Variants in PDE4D observed in about 807,000 individuals in gnomAD.
PDE4D encodes the protein phosphodiesterase 4D.
Under a neutral mutation model 87.4 loss-of-function variants are expected in PDE4D, and 24 were observed. The observed-to-expected ratio is 0.27, with a 90% CI of 0.20 to 0.39. The LOEUF is 0.39. PDE4D is among the 10% of genes least tolerant of loss of function. The probability of loss-of-function intolerance (pLI) is 1.00; values close to 1 mark genes in which losing one functional copy is unlikely to be tolerated. For synonymous variants in PDE4D, 384 were observed against 383.2 expected (o/e 1.00, Z -0.02); for missense variants, 714 against 1,041.0 (o/e 0.69, Z 4.32).
chr5:59,071,242 A>G (rs867758538), intron 5 of PDE4D, among the ~76,000 whole-genome samples: 4 of 152,098 alleles, frequency 2.6e-5, no homozygotes, highest in African/African-American at 7.2e-5. Context: ...AACAAGTCAC[A>G]AGTCTCTTTT....
At chr5:59,764,294 C>A (rs968021436) in intron 1 of PDE4D, among the ~76,000 whole-genome samples, 1 of 152,086 alleles carries the variant, frequency 6.6e-6, no homozygotes, top group Non-Finnish European at 1.5e-5. Flanking sequence ...TATAATGACA[C>A]CCACTAAGGG....
intron 2 of PDE4D, among the ~76,000 whole-genome samples, chr5:59,202,096 T>C (rs978468706): frequency 7.4e-6 from 1 of 134,898 alleles, no homozygotes; most frequent in Non-Finnish European, 1.5e-5. Context: ...TGGAATGCAG[T>C]GGCTGCAATC....
chr5:59,261,905 T>C (rs1762071471), intron 1 of PDE4D, among the ~76,000 whole-genome samples: 1 of 151,776 alleles, frequency 6.6e-6, no homozygotes, highest in South Asian at 2.1e-4. Flanking sequence ...GAAAAGAAAA[T>C]ATCTCTCTAA....
At chr5:59,367,643 A>G (rs1387355691) in intron 1 of PDE4D, among the ~76,000 whole-genome samples, 3 of 152,366 alleles carry the variant, frequency 2.0e-5, no homozygotes, top group African/African-American at 7.2e-5. Context: ...AAGTCCTGAG[A>G]AGCCAGATAG....
intron 1 of PDE4D, among the ~76,000 whole-genome samples, chr5:59,457,267 G>A (rs1316339977): frequency 2.6e-5 from 4 of 152,200 alleles, no homozygotes; most frequent in Non-Finnish European, 2.9e-5. Context: ...AGCCATCAAC[G>A]TCAAGGCAAG....
intron 1 of PDE4D, among the ~76,000 whole-genome samples, chr5:59,687,313 A>T (rs1750047258): frequency 1.3e-5 from 2 of 152,182 alleles, no homozygotes; most frequent in East Asian, 1.9e-4. Context: ...AAAAAATGTT[A>T]AGGGCAGCCA....
intron 2 of PDE4D, among the ~76,000 whole-genome samples, chr5:60,180,255 CATTT>C (rs1299688020): frequency 6.6e-6 from 1 of 152,174 alleles, no homozygotes; most frequent in Non-Finnish European, 1.5e-5. Flanking sequence ...GTCATTCTCA[CATTT>C]ATTTATACTC....
chr5:59,772,411 G>A (rs1045188034), intron 1 of PDE4D, among the ~76,000 whole-genome samples: 4 of 152,178 alleles, frequency 2.6e-5, no homozygotes, highest in Non-Finnish European at 4.4e-5. Flanking sequence ...AGTCACCCAC[G>A]CCTAGAACAG....
chr5:59,297,438 G>A (rs192716785), intron 1 of PDE4D, among the ~76,000 whole-genome samples: 1 of 152,230 alleles, frequency 6.6e-6, no homozygotes, highest in East Asian at 1.9e-4. Flanking sequence ...AAATACTAAT[G>A]TATAGATGAG....
At chr5:59,182,495 G>C (rs1043087215) in intron 4 of PDE4D, among the ~76,000 whole-genome samples, 9 of 151,760 alleles carry the variant, frequency 5.9e-5, no homozygotes, top group Admixed American at 2.6e-4. Flanking sequence ...TTACCTTCTG[G>C]CTAAGAGTTT....
In PDE4D at chr5:58,973,777, A is replaced by AAAG. The variant is rs1397654490; in HGVS notation, c.*884_*886dup. The AAAG allele has an allele frequency of 2.0e-5, 3 of 147,974 alleles. No individual in the cohort carries two copies. Among genetic ancestry groups the AAAG allele is most frequent in the Admixed American group, 6.9e-5 (1 of 14,524 alleles). The allele number at this position is 147,974 out of a possible 1,614,324, so 9.2% of individuals were successfully genotyped here. On this transcript the variant is annotated 3_prime_UTR_variant, in exon 15 of 15. Transcript: ENST00000340635. ...ATCTGGAAAGAGTGAAACAAAATGCAAAGTAAATAATAAAGACTTACAAAA... is the reference window on the plus strand; with the variant it reads ...ATCTGGAAAGAGTGAAACAAAATGCAAAGAAGTAAATAATAAAGACTTACAAAA...
intron 2 of PDE4D, among the ~76,000 whole-genome samples, chr5:60,122,086 C>T (rs1210320088): frequency 6.6e-6 from 1 of 152,168 alleles, no homozygotes; most frequent in African/African-American, 2.4e-5. Context: ...CACATTGATG[C>T]AAGAGGTGGG....
At chr5:60,257,552 T>G (rs566707247) in intron 1 of PDE4D, among the ~76,000 whole-genome samples, 1 of 152,086 alleles carries the variant, frequency 6.6e-6, no homozygotes, top group African/African-American at 2.4e-5. Flanking sequence ...CTGAAGGCAT[T>G]TAGCATTTAG....
chr5:60,375,711 A>G (rs1383554057), intron 1 of PDE4D, among the ~76,000 whole-genome samples: 1 of 152,180 alleles, frequency 6.6e-6, no homozygotes, highest in African/African-American at 2.4e-5. Context: ...GGCACAGGCT[A>G]CACAAAATAC....
chr5:59,403,865 C>T lies in PDE4D; in HGVS notation c.456-187897G>A, dbSNP rs185751672. Among the ~76,000 whole-genome samples, 21 of 152,210 alleles carry T rather than the reference C, an allele frequency of 1.4e-4. No individual in the cohort carries two copies. In the East Asian group the frequency reaches 2.7e-3, roughly 20 times the overall value. ...ATGGGAGTTCTATTTTTAGCTTTTT[C>T]GAGGAACCTCCAAATTGTTCTCCGT... On this transcript the variant is annotated intron_variant, in intron 1 of 14. Transcript: ENST00000340635.
chr5:59,666,399 T>C (rs1746081884), intron 1 of PDE4D, among the ~76,000 whole-genome samples: 1 of 152,186 alleles, frequency 6.6e-6, no homozygotes, highest in Admixed American at 6.5e-5. Context: ...TCTCTAAAAA[T>C]AATAGTAACA....
intron 1 of PDE4D, among the ~76,000 whole-genome samples, chr5:59,668,876 GAAGAAGAA>G (rs1746645750): frequency 2.6e-5 from 2 of 77,400 alleles, no homozygotes; most frequent in Non-Finnish European, 4.9e-5. Flanking sequence ...AGAAGAAGAA[GAAGAAGAA>G]GAAGAAGAAG....
intron 1 of PDE4D, among the ~76,000 whole-genome samples, chr5:60,481,423 ATCT>A (rs1748722820): frequency 6.6e-6 from 1 of 152,110 alleles, no homozygotes; most frequent in African/African-American, 2.4e-5. Context: ...GTGGAGAAAA[ATCT>A]TCTAGCTTCT....
At chr5:60,066,931 A>C (rs1772168339) in intron 2 of PDE4D, among the ~76,000 whole-genome samples, 1 of 152,112 alleles carries the variant, frequency 6.6e-6, no homozygotes, top group Admixed American at 6.6e-5. Flanking sequence ...ACCATCTATA[A>C]GTTTTTCAGA....
Sources: gnomAD v4.1 joint callset for allele counts (sites outside exome capture counted in the v4.1 genomes callset) on GRCh38, gnomAD v4.1.1 for gene constraint, MANE v1.5 for transcripts, NCBI Gene and HGNC (gene_info 2026-07-23, HGNC 2026-07-21) for gene names.